The following UBE2E3 variants were observed in gnomAD, a reference collection of about 807,000 sequenced individuals.
The protein encoded by UBE2E3 is ubiquitin conjugating enzyme E2 E3.
In UBE2E3, 5 loss-of-function variants were observed where a neutral mutation model predicts 23.6. The observed-to-expected ratio is 0.21, with a 90% CI of 0.11 to 0.44. The LOEUF (loss-of-function observed/expected upper bound fraction) is 0.44. Ranked by LOEUF, UBE2E3 falls within the 20% of genes least tolerant of loss-of-function variation. UBE2E3 has a pLI of 0.99. For missense variants in UBE2E3, 81 were observed against 249.8 expected (o/e 0.32, Z 4.55); for synonymous variants, 78 against 87.5 (o/e 0.89, Z 0.60).
chr2:181,017,683 T>C (rs897189516), intron 3 of UBE2E3, among the ~76,000 whole-genome samples: 8 of 151,052 alleles, frequency 5.3e-5, no homozygotes, highest in African/African-American at 2.0e-4. Context: ...TGTCATATGT[T>C]GCTTATTTAA....
intron 3 of UBE2E3, among the ~76,000 whole-genome samples, chr2:181,018,776 G>A (rs567986465): frequency 6.6e-6 from 1 of 151,930 alleles, no homozygotes; most frequent in Non-Finnish European, 1.5e-5. Context: ...TAATAAATAT[G>A]TATAATTATT....
At chr2:180,998,049 G>T (rs956242056) in intron 3 of UBE2E3, among the ~76,000 whole-genome samples, 5 of 151,962 alleles carry the variant, frequency 3.3e-5, no homozygotes, top group African/African-American at 1.2e-4. Context: ...CTAACTATGA[G>T]AATAATTTTA....
rs1403347693 is a variant in UBE2E3 at position 180,994,714 on chromosome 2, A to T, written c.245+10621A>T. Among the ~76,000 whole-genome samples, 3 of 152,150 alleles carry T rather than the reference A, an allele frequency of 2.0e-5. No homozygotes were observed. In the East Asian group the frequency reaches 5.8e-4, roughly 29 times the overall value. On this transcript the variant is annotated intron_variant, in intron 3 of 5. Transcript: ENST00000410062. ...AAATGTATTGGAAAAATATTTAGAG[A>T]TTTACAATTTGAAAGAAACTTGCAG...
intron 3 of UBE2E3, among the ~76,000 whole-genome samples, chr2:181,054,515 C>T (rs1464670070): frequency 6.6e-6 from 1 of 151,468 alleles, no homozygotes; most frequent in African/African-American, 2.4e-5. Flanking sequence ...CATACGCTTA[C>T]TTGCCATCTG....
intron 3 of UBE2E3, among the ~76,000 whole-genome samples, chr2:181,040,615 T>C (rs2105664782): frequency 6.6e-6 from 1 of 152,316 alleles, no homozygotes; most frequent in African/African-American, 2.4e-5. Context: ...CTATTTAGTA[T>C]AAGGTATACT....
Position 181,060,782 on chromosome 2 carries a change from A to G in UBE2E3, c.496A>G (p.Ile166Val), listed in dbSNP as rs1380456739. 6 of 1,588,100 alleles carry G rather than the reference A, an allele frequency of 3.8e-6. No individual in the cohort carries two copies. The highest frequency in any genetic ancestry group is 5.1e-6 in the Non-Finnish European group (6 of 1,167,578). ...GACTATTTCAAAGGTTTTGCTGTCTATTTGTTCCCTTTTGACAGACTGCAA... is the reference window on the plus strand; with the variant it reads ...GACTATTTCAAAGGTTTTGCTGTCTGTTTGTTCCCTTTTGACAGACTGCAA... ...ALTISKVLLS[I>V]CSLLTDCNPA... The change falls in exon 5 of 6, where the codon ATT becomes GTT. Residue 166 changes from isoleucine (I) to valine (V), a missense_variant. Ile to Val is a conservative substitution (Grantham distance 29). Transcript: ENST00000410062.
intron 3 of UBE2E3, among the ~76,000 whole-genome samples, chr2:181,016,381 A>G (rs542776581): frequency 1.3e-5 from 2 of 152,210 alleles, no homozygotes; most frequent in African/African-American, 4.8e-5. Flanking sequence ...TGCTTGGCTA[A>G]TACCTTTTTG....
chr2:181,023,274 A>G (rs1182881136), intron 3 of UBE2E3, among the ~76,000 whole-genome samples: 1 of 152,206 alleles, frequency 6.6e-6, no homozygotes. Flanking sequence ...ATAGTGAGAA[A>G]ATGATTTGGA....
intron 3 of UBE2E3, among the ~76,000 whole-genome samples, chr2:180,985,591 A>G (rs1684437579): frequency 1.3e-5 from 2 of 152,264 alleles, no homozygotes; most frequent in East Asian, 3.9e-4. Flanking sequence ...TTTAGAGAAC[A>G]AGTAAATGAA....
At chr2:181,059,330 T>A (rs1267192838) in intron 4 of UBE2E3, among the ~76,000 whole-genome samples, 1 of 151,834 alleles carries the variant, frequency 6.6e-6, no homozygotes, top group Non-Finnish European at 1.5e-5. Flanking sequence ...TCATGAATGC[T>A]ATTCTGTTCA....
chr2:181,047,063 C>T (rs1686692448), intron 3 of UBE2E3, among the ~76,000 whole-genome samples: 1 of 152,116 alleles, frequency 6.6e-6, no homozygotes. Flanking sequence ...GTTCATATTG[C>T]CAGCATACAC....
Position 181,016,298 on chromosome 2 carries a change from T to G in UBE2E3, c.245+32205T>G, listed in dbSNP as rs34543257. Reference sequence around the variant, plus strand: ...TCTCACTGTGTAGTCCAGGCTGGTCTTGATCTCCTGGGTTCAAGCGATCCT... The same window carrying G: ...TCTCACTGTGTAGTCCAGGCTGGTCGTGATCTCCTGGGTTCAAGCGATCCT... On this transcript the variant is annotated intron_variant, in intron 3 of 5. Coordinates refer to ENST00000410062, the MANE Select transcript of UBE2E3 (RefSeq NM_006357.4). Among the ~76,000 whole-genome samples the G allele has an allele frequency of 6.2e-3, 941 of 152,172 alleles. 10 individuals carry two copies. The highest frequency in any genetic ancestry group is 0.034 in the Middle Eastern group (10 of 294).
chr2:181,014,887 A>T (rs563352908), intron 3 of UBE2E3, among the ~76,000 whole-genome samples: 3 of 152,276 alleles, frequency 2.0e-5, no homozygotes, highest in Non-Finnish European at 4.4e-5. Context: ...TTTGAAATAT[A>T]TAATAAATTA....
intron 3 of UBE2E3, among the ~76,000 whole-genome samples, chr2:181,026,317 AT>A (rs5836765): frequency 0.23 from 34,978 of 149,870 alleles, 4,396 homozygotes; most frequent in Non-Finnish European, 0.28. Flanking sequence ...TTGTAATCTG[AT>A]TTTTTTTTTC....
At chr2:180,992,947 G>A (rs1481433748) in intron 3 of UBE2E3, among the ~76,000 whole-genome samples, 1 of 152,154 alleles carries the variant, frequency 6.6e-6, no homozygotes, top group African/African-American at 2.4e-5. Flanking sequence ...CAGAACTAAT[G>A]TTCTCAGGGC....
At chr2:181,045,496 C>T (rs1686647968) in intron 3 of UBE2E3, among the ~76,000 whole-genome samples, 1 of 151,906 alleles carries the variant, frequency 6.6e-6, no homozygotes, top group African/African-American at 2.4e-5. Context: ...TCTTTTTTTC[C>T]CCATTCTTTC....
intron 4 of UBE2E3, 137 bp from the exon 5 acceptor site, chr2:181,060,528 A>T (rs1467165606): frequency 1.0e-6 from 1 of 969,984 alleles, no homozygotes; most frequent in Non-Finnish European, 1.4e-6. Context: ...TAATTTTGTT[A>T]TTAAACCTAA....
At chr2:180,993,934 G>T (rs1394638589) in intron 3 of UBE2E3, among the ~76,000 whole-genome samples, 1 of 152,098 alleles carries the variant, frequency 6.6e-6, no homozygotes, top group Non-Finnish European at 1.5e-5. Context: ...GGTGTTATTT[G>T]TTAGATTTGT....
intron 3 of UBE2E3, among the ~76,000 whole-genome samples, chr2:181,022,546 A>G (rs992912487): frequency 6.6e-6 from 1 of 152,136 alleles, no homozygotes; most frequent in Non-Finnish European, 1.5e-5. Context: ...ACAGCACTAT[A>G]ACCATGCCTG....
Sources: gnomAD v4.1 joint callset for allele counts (sites outside exome capture counted in the v4.1 genomes callset) on GRCh38, gnomAD v4.1.1 for gene constraint, MANE v1.5 for transcripts, NCBI Gene and HGNC (gene_info 2026-07-23, HGNC 2026-07-21) for gene names.